The following GK5 variants were observed in gnomAD, a reference collection of about 807,000 sequenced individuals.
GK5 encodes the protein ATP:glycerol 3-phosphotransferase 5.
In GK5, 39 loss-of-function variants were observed where a neutral mutation model predicts 77.3. That is an observed-to-expected ratio of 0.50 (90% CI 0.39 to 0.66). The LOEUF is 0.66. GK5 is among the 30% of genes least tolerant of loss of function. The probability of loss-of-function intolerance (pLI) is 0.00; values close to 1 mark genes in which losing one functional copy is unlikely to be tolerated. For synonymous variants in GK5, 211 were observed against 208.0 expected, an observed-to-expected ratio of 1.01 and a Z score of -0.13; for missense variants, 487 against 633.8, an observed-to-expected ratio of 0.77 and a Z score of 2.49.
At chr3:142,212,226 A>G (rs1335010616) in intron 3 of GK5, among the ~76,000 whole-genome samples, 1 of 150,482 alleles carries the variant, frequency 6.6e-6, no homozygotes, top group Non-Finnish European at 1.5e-5. Context: ...GGGCGGGGGG[A>G]TTTTGGGGGA....
At chr3:142,186,419 T>C in intron 7 of GK5, 33 bp downstream of exon 7, 1 of 1,221,474 alleles carries the variant, frequency 8.2e-7, no homozygotes, top group Non-Finnish European at 1.1e-6. Context: ...CACAAAAATG[T>C]GTGATTCAAA....
intron 11 of GK5, among the ~76,000 whole-genome samples, chr3:142,179,831 G>A (rs540259645): frequency 1.6e-4 from 24 of 152,224 alleles, no homozygotes; most frequent in African/African-American, 5.8e-4. Flanking sequence ...AAGAATCTTG[G>A]AGGAATAAAT....
chr3:142,194,346 C>T (rs1209948124), intron 5 of GK5, among the ~76,000 whole-genome samples: 3 of 151,900 alleles, frequency 2.0e-5, no homozygotes, highest in East Asian at 1.9e-4. Context: ...GCCAACATGG[C>T]GAAACCCCGT....
At chr3:142,184,260 CAAAAAAAAA>C (rs1161704184) in intron 9 of GK5, among the ~76,000 whole-genome samples, 12 of 10,678 alleles carry the variant, frequency 1.1e-3, no homozygotes, top group Admixed American at 8.1e-3. Context: ...GACTCTGTCT[CAAAAAAAAA>C]AAAAAAAAAA....
intron 1 of GK5, among the ~76,000 whole-genome samples, chr3:142,217,921 T>G (rs888291474): frequency 9.2e-5 from 14 of 151,938 alleles, no homozygotes; most frequent in Non-Finnish European, 4.4e-5. Context: ...ATTCTAAAAT[T>G]TATGCAAGGC....
At chr3:142,175,499 C>A (rs549949918) in intron 12 of GK5, among the ~76,000 whole-genome samples, 1 of 152,322 alleles carries the variant, frequency 6.6e-6, no homozygotes, top group Non-Finnish European at 1.5e-5. Context: ...AACCTTCCTT[C>A]CTTTCATGCC....
intron 12 of GK5, among the ~76,000 whole-genome samples, chr3:142,175,519 A>T (rs1173933486): frequency 6.6e-6 from 1 of 151,982 alleles, no homozygotes; most frequent in African/African-American, 2.4e-5. Context: ...CCCATCCCTC[A>T]TTTTCTCTAG....
At position 142,205,611 on chromosome 3, in the gene GK5, AC is replaced by A. The variant is rs1241161940; in HGVS notation, c.318-824del. On this transcript the variant is annotated intron_variant, in intron 3 of 15. Coordinates refer to ENST00000392993, the MANE Select transcript of GK5 (RefSeq NM_001039547.3). ...ATACCTGGCCTTCCAACTCACTGCAACCTTTAATCCCTCAAACATTCCCTTT... is the reference window on the plus strand; with the variant it reads ...ATACCTGGCCTTCCAACTCACTGCAACTTTAATCCCTCAAACATTCCCTTT... Among the ~76,000 whole-genome samples, 7 of 152,284 alleles carry A rather than the reference AC, an allele frequency of 4.6e-5. No individual in the cohort carries two copies. The East Asian group carries it at 1.4e-3, about 29-fold the overall frequency.
At position 142,157,902 on chromosome 3, in the gene GK5, T is replaced by G. The variant is rs936994368; in HGVS notation, c.*7720A>C. ...CCAAGTTTACCTAGAGTCACAATTG[T>G]AGTTAACAAGTGCTATTTCTCTGGT... On this transcript the variant is annotated 3_prime_UTR_variant, in exon 16 of 16. Transcript: ENST00000392993. 6 of 152,042 alleles carry G rather than the reference T, an allele frequency of 3.9e-5. No individual in the cohort carries two copies. The highest frequency in any genetic ancestry group is 1.4e-4 in the African/African-American group (6 of 41,416). 9.4% of individuals were successfully genotyped at this position (152,042 alleles called of 1,614,324 possible). A position where few individuals can be genotyped will look rare whatever the true frequency, so the allele number is the denominator to read the frequency against.
chr3:142,172,455 G>A lies in GK5; in HGVS notation c.1145C>T (p.Ala382Val), dbSNP rs1166212116. ...ACATGCCCAGGGGTCATTTAATGGA[G>A]CCTACAGTAAGAGATAACAAGAATA... ...CFVPSFSGLQ[A>V]PLNDPWACAS... The change falls in exon 13 of 16, where the codon GCT (alanine) becomes GTT (valine). Residue 382 changes from alanine (A) to valine (V), a missense_variant and splice_region_variant. Coordinates refer to ENST00000392993, the MANE Select transcript of GK5 (RefSeq NM_001039547.3). 1 of 1,542,112 alleles carries A rather than the reference G, an allele frequency of 6.5e-7. No individual in the cohort carries two copies. Among genetic ancestry groups the A allele is most frequent in the South Asian group, 1.2e-5 (1 of 85,632 alleles).
chr3:142,174,089 T>G (rs2108782662), intron 12 of GK5, among the ~76,000 whole-genome samples: 1 of 152,246 alleles, frequency 6.6e-6, no homozygotes, highest in South Asian at 2.1e-4. Context: ...CTTGATGGTT[T>G]GTTGAAACCC....
At chr3:142,185,449 CATT>C in intron 9 of GK5, 1 of 941,792 alleles carries the variant, frequency 1.1e-6, no homozygotes, top group Non-Finnish European at 1.3e-6. Context: ...GCAAATATTT[CATT>C]ATTCTACAAA....
intron 11 of GK5, among the ~76,000 whole-genome samples, chr3:142,180,797 C>G (rs1560214944): frequency 6.6e-6 from 1 of 152,080 alleles, no homozygotes; most frequent in African/African-American, 2.4e-5. Flanking sequence ...CAAAAGGTAC[C>G]AGGGAGATTA....
chr3:142,204,659 A>C (rs758442913), intron 4 of GK5, 36 bp downstream of exon 4: 15 of 1,157,050 alleles, frequency 1.3e-5, no homozygotes, highest in East Asian at 4.7e-5. Flanking sequence ...GAAAAAAAAA[A>C]CCAACAATAT....
intron 5 of GK5, among the ~76,000 whole-genome samples, chr3:142,192,763 C>CAAA (rs201417747): frequency 1.2e-4 from 10 of 82,894 alleles, no homozygotes; most frequent in African/African-American, 4.1e-4. Context: ...GACTCTGTCT[C>CAAA]AAAAAAAAAA....
At chr3:142,210,646 C>G (rs1216505504) in intron 3 of GK5, among the ~76,000 whole-genome samples, 1 of 152,168 alleles carries the variant, frequency 6.6e-6, no homozygotes, top group African/African-American at 2.4e-5. Context: ...AAAAGGACAG[C>G]CAAGATAAAA....
chr3:142,176,766 A>G (rs151271869), intron 12 of GK5, among the ~76,000 whole-genome samples: 1,485 of 148,268 alleles, frequency 0.01, 25 homozygotes, highest in African/African-American at 0.035. Flanking sequence ...GGTTCAAGCA[A>G]TTCTCCTGCT....
intron 4 of GK5, among the ~76,000 whole-genome samples, chr3:142,200,075 C>T (rs767211200): frequency 1.6e-4 from 24 of 151,566 alleles, no homozygotes; most frequent in African/African-American, 3.6e-4. Context: ...AGTGCTCACA[C>T]CTTCTTTATT....
chr3:142,182,497 A>T (rs2063710724), intron 10 of GK5, among the ~76,000 whole-genome samples: 1 of 152,012 alleles, frequency 6.6e-6, no homozygotes, highest in South Asian at 2.1e-4. Context: ...GGTGCCGGAC[A>T]CCATGCCCCC....
Sources: gnomAD v4.1 joint callset for allele counts (sites outside exome capture counted in the v4.1 genomes callset) on GRCh38, gnomAD v4.1.1 for gene constraint, MANE v1.5 for transcripts, NCBI Gene and HGNC (gene_info 2026-07-23, HGNC 2026-07-21) for gene names.